ACOT12: variants seen among roughly 807,000 people sequenced by gnomAD.
The protein encoded by ACOT12 is acetyl-coenzyme A thioesterase.
In ACOT12, 51 loss-of-function variants were observed where a neutral mutation model predicts 67.7. That is an observed-to-expected ratio of 0.75 (90% CI 0.60 to 0.95). The LOEUF is 0.95. Ranked by LOEUF, ACOT12 falls within the 40% of genes least tolerant of loss-of-function variation. ACOT12 has a pLI of 0.00. For synonymous variants in ACOT12, 251 were observed against 244.6 expected, an observed-to-expected ratio of 1.03 and a Z score of -0.24; for missense variants, 734 against 708.1, an observed-to-expected ratio of 1.04 and a Z score of -0.41.
At chr5:81,374,185 C>T (rs1760339869) in intron 2 of ACOT12, among the ~76,000 whole-genome samples, 1 of 152,176 alleles carries the variant, frequency 6.6e-6, no homozygotes, top group Admixed American at 6.5e-5. Context: ...GCTGGGAATA[C>T]CTAGGCAAAC....
intron 5 of ACOT12, among the ~76,000 whole-genome samples, chr5:81,349,050 G>C (rs1759472927): frequency 6.6e-6 from 1 of 152,186 alleles, no homozygotes; most frequent in Non-Finnish European, 1.5e-5. Context: ...AGGGGGAAAG[G>C]ATTTACAAAC....
intron 5 of ACOT12, among the ~76,000 whole-genome samples, chr5:81,354,314 A>G (rs1263901497): frequency 6.6e-6 from 1 of 152,234 alleles, no homozygotes; most frequent in Non-Finnish European, 1.5e-5. Flanking sequence ...TTTTATCTCT[A>G]TATTTGAATG....
chr5:81,316,631 A>G, the ACOT12 span, among the ~76,000 whole-genome samples: 2 of 152,244 alleles, frequency 1.3e-5, no homozygotes, highest in African/African-American at 2.4e-5. Flanking sequence ...GTATATACCT[A>G]GAATATTTTT....
intron 5 of ACOT12, among the ~76,000 whole-genome samples, chr5:81,349,375 C>G: frequency 6.6e-6 from 1 of 152,170 alleles, no homozygotes; most frequent in African/African-American, 2.4e-5. Context: ...CTGGTCTGGC[C>G]TCACTCTCCC....
At chr5:81,376,156 A>G (rs1442446104) in intron 2 of ACOT12, among the ~76,000 whole-genome samples, 1 of 152,144 alleles carries the variant, frequency 6.6e-6, no homozygotes, top group Non-Finnish European at 1.5e-5. Context: ...ACCACAGTGC[A>G]ATCAAATTAG....
chr5:81,319,077 C>T, the ACOT12 span, among the ~76,000 whole-genome samples: 1 of 152,132 alleles, frequency 6.6e-6, no homozygotes, highest in Non-Finnish European at 1.5e-5. Flanking sequence ...TGAAATGCTA[C>T]AAAACTCATG....
intron 11 of ACOT12, among the ~76,000 whole-genome samples, chr5:81,340,279 C>T (rs1759151523): frequency 6.6e-6 from 1 of 152,080 alleles, no homozygotes; most frequent in African/African-American, 2.4e-5. Context: ...TCAAGTGATC[C>T]ACCCACTTTG....
chr5:81,380,563 G>GAAAAA (rs1400854438), intron 2 of ACOT12, among the ~76,000 whole-genome samples: 4 of 24,934 alleles, frequency 1.6e-4, no homozygotes, highest in Admixed American at 9.0e-4. Flanking sequence ...GACTGTCTTA[G>GAAAAA]AAAAAAAAAA....
At chr5:81,319,884 A>C in the ACOT12 span, among the ~76,000 whole-genome samples, 1 of 151,516 alleles carries the variant, frequency 6.6e-6, no homozygotes, top group Admixed American at 6.6e-5. Context: ...AGGAAGTGAC[A>C]TGCTGTGACA....
chr5:81,309,341 C>T, the ACOT12 span, among the ~76,000 whole-genome samples: 1 of 152,118 alleles, frequency 6.6e-6, no homozygotes, highest in Non-Finnish European at 1.5e-5. Flanking sequence ...GATTATATCT[C>T]AAGCTAATAT....
chr5:81,344,353 C>T (rs1401420820), intron 8 of ACOT12, 138 bp from the exon 9 acceptor site: 2 of 794,962 alleles, frequency 2.5e-6, no homozygotes, highest in Non-Finnish European at 3.8e-6. Context: ...GAACTGACTT[C>T]ATCAAGTCAG....
chr5:81,310,396 G>A, the ACOT12 span, among the ~76,000 whole-genome samples: 2 of 151,954 alleles, frequency 1.3e-5, no homozygotes, highest in African/African-American at 2.4e-5. Context: ...TTTTTAAGAG[G>A]TAAAGCATTA....
At position 81,332,366 on chromosome 5, in the gene ACOT12, A is replaced by G. The variant is rs1034521600; in HGVS notation, c.1391+111T>C. ...TCATCTAGGTATAATTCAAATAAAC[A>G]TAATTCAAGAGCAGAAATATCTACA... On this transcript the variant is annotated intron_variant, in intron 13 of 14. Transcript: ENST00000307624. The G allele has an allele frequency of 7.4e-6, 9 of 1,219,224 alleles. No individual in the cohort carries two copies. In the African/African-American group the frequency reaches 9.1e-5, roughly 12 times the overall value. 75.5% of individuals were successfully genotyped at this position (1,219,224 alleles called of 1,614,324 possible).
intron 4 of ACOT12, among the ~76,000 whole-genome samples, chr5:81,363,536 A>G (rs1489201470): frequency 6.6e-6 from 1 of 152,184 alleles, no homozygotes; most frequent in Admixed American, 6.6e-5. Flanking sequence ...ATTTAAAACA[A>G]TGTGGATTTT....
chr5:81,334,417 G>C (rs1015416916), intron 12 of ACOT12, among the ~76,000 whole-genome samples: 1 of 152,126 alleles, frequency 6.6e-6, no homozygotes, highest in Admixed American at 6.5e-5. Flanking sequence ...CACTCCCCAC[G>C]ACTTAAGCGA....
chr5:81,359,990 G>T lies in ACOT12; in HGVS notation c.409C>A (p.His137Asn), dbSNP rs764895161. 1.9e-6 allele frequency: 3 copies of T among 1,612,764 alleles called. No individual in the cohort carries two copies. The Admixed American group carries it at 5.0e-5, about 27-fold the overall frequency. ...TTCCTTCTCTCAGCAGCCAGATTAT[G>T]TTCCACATGATCTTGTTCAGTTAGA... is the stretch of plus-strand genomic sequence containing the variant. ...TLLTEQDHVE[H>N]NLAAERRKVR... The change falls in exon 5 of 15, where the codon CAT becomes AAT. Residue 137 changes from histidine to asparagine, a missense_variant. His to Asn is a moderately conservative substitution (Grantham distance 68). Coordinates refer to ENST00000307624, the MANE Select transcript of ACOT12 (RefSeq NM_130767.3).
intron 13 of ACOT12, 123 bp downstream of exon 13, chr5:81,332,354 A>T: frequency 8.9e-7 from 1 of 1,126,776 alleles, no homozygotes. Flanking sequence ...TCTAGGTATA[A>T]TTCAAATAAA....
chr5:81,352,853 T>C (rs1759594679), intron 5 of ACOT12, among the ~76,000 whole-genome samples: 1 of 152,218 alleles, frequency 6.6e-6, no homozygotes, highest in African/African-American at 2.4e-5. Context: ...CCCATAAATA[T>C]ATACACCTAC....
chr5:81,316,615 C>G, the ACOT12 span, among the ~76,000 whole-genome samples: 1,009 of 152,208 alleles, frequency 6.6e-3, 14 homozygotes, highest in African/African-American at 0.022. Flanking sequence ...GGATATATAC[C>G]TAGGAGTATA....
Sources: allele counts gnomAD v4.1 joint callset (sites outside exome capture counted in the v4.1 genomes callset), GRCh38; gene constraint gnomAD v4.1.1; transcripts MANE v1.5; gene names NCBI Gene and HGNC (gene_info 2026-07-23, HGNC 2026-07-21).